Variants in PDE1C observed in about 807,000 individuals in gnomAD.
PDE1C encodes phosphodiesterase 1C, also known as dual specificity calcium/calmodulin-dependent 3',5'-cyclic nucleotide phosphodiesterase 1C.
Under a neutral mutation model 93.1 loss-of-function variants are expected in PDE1C, and 62 were observed. That is an observed-to-expected ratio of 0.67 (90% CI 0.54 to 0.82). The LOEUF (loss-of-function observed/expected upper bound fraction) is 0.82. Ranked by LOEUF, PDE1C falls within the 40% of genes least tolerant of loss-of-function variation. The pLI is 0.00. For missense variants in PDE1C, 742 were observed against 884.6 expected (o/e 0.84, Z 2.04); for synonymous variants, 325 against 310.1 (o/e 1.05, Z -0.50).
rs74554636 is a variant in PDE1C, at chr7:32,153,597, C to A, written c.308+16188G>T. Among the ~76,000 whole-genome samples the A allele has an allele frequency of 2.7e-3, 408 of 152,226 alleles. 3 individuals carry two copies. Among genetic ancestry groups the A allele is most frequent in the African/African-American group, 9.5e-3 (393 of 41,526 alleles). On this transcript the variant is annotated intron_variant, in intron 3 of 18. Coordinates refer to the PDE1C transcript ENST00000396193. ...ACATGCACTTCCTGGTCCCACCCAG[C>A]GAGGCTGGTTTGATAGCTCATAAGT...
chr7:32,333,834 A>T lies in PDE1C; in HGVS notation c.310+93988T>A, dbSNP rs149602640. 1.4e-3 allele frequency among the ~76,000 whole-genome samples: 207 copies of T among 152,334 alleles called. 1 individual carries two copies. Among genetic ancestry groups the T allele is most frequent in the African/African-American group, 4.7e-3 (197 of 41,576 alleles). On this transcript the variant is annotated intron_variant, in intron 1 of 1. Coordinates refer to the PDE1C transcript ENST00000672256. ...TTAACCTTGCAGTTTTACCCATTTT[A>T]ACATAAACACATTAACATTGCCTAT...
chr7:31,815,872 T>C, intron 15 of PDE1C, 52 bp downstream of exon 15: 1 of 1,332,620 alleles, frequency 7.5e-7, no homozygotes, highest in Non-Finnish European at 1.1e-6. Flanking sequence ...TTTCCATTCA[T>C]TATGTCATTA....
intron 1 of PDE1C, among the ~76,000 whole-genome samples, chr7:32,317,727 T>C (rs892946437): frequency 6.6e-5 from 10 of 152,190 alleles, no homozygotes; most frequent in Admixed American, 6.5e-4. Context: ...GGACGAATGC[T>C]GGCACTGTTC....
chr7:32,091,555 G>A (rs922514884), intron 3 of PDE1C, among the ~76,000 whole-genome samples: 4 of 152,284 alleles, frequency 2.6e-5, no homozygotes, highest in Admixed American at 6.5e-5. Context: ...GGCAACAGCC[G>A]GATCATTAGA....
chr7:31,727,448 C>T, the PDE1C span, among the ~76,000 whole-genome samples: 1 of 152,294 alleles, frequency 6.6e-6, no homozygotes, highest in South Asian at 2.1e-4. Flanking sequence ...CCTTCAGGTT[C>T]TCCATTTTGT....
At chr7:32,399,088 T>G (rs1784894638) in intron 1 of PDE1C, among the ~76,000 whole-genome samples, 1 of 152,186 alleles carries the variant, frequency 6.6e-6, no homozygotes, top group African/African-American at 2.4e-5. Context: ...ATATACACAG[T>G]GAACTATGTC....
At chr7:32,143,236 A>T (rs1337555190) in intron 3 of PDE1C, among the ~76,000 whole-genome samples, 1 of 151,532 alleles carries the variant, frequency 6.6e-6, no homozygotes, top group Non-Finnish European at 1.5e-5. Context: ...CTTTAAAGAG[A>T]TCCCTTAGGT....
At chr7:32,220,265 C>T (rs555383191) in intron 1 of PDE1C, among the ~76,000 whole-genome samples, 2 of 152,314 alleles carry the variant, frequency 1.3e-5, no homozygotes, top group South Asian at 4.1e-4. Context: ...GAGGGACACT[C>T]AAATTTATTA....
intron 17 of PDE1C, among the ~76,000 whole-genome samples, chr7:31,773,324 T>C (rs973123404): frequency 1.3e-5 from 2 of 152,058 alleles, no homozygotes; most frequent in Non-Finnish European, 2.9e-5. Flanking sequence ...GTAGCTGTGA[T>C]TCTGAGTCAG....
intron 2 of PDE1C, among the ~76,000 whole-genome samples, chr7:32,205,598 G>A (rs963269483): frequency 6.8e-5 from 9 of 131,438 alleles, no homozygotes; most frequent in African/African-American, 2.3e-4. Flanking sequence ...ATAAAAGCAG[G>A]CCAACCCCCC....
chr7:32,012,939 G>A (rs969145644), intron 2 of PDE1C, among the ~76,000 whole-genome samples: 2 of 152,096 alleles, frequency 1.3e-5, no homozygotes, highest in African/African-American at 4.8e-5. Flanking sequence ...GATATCAACT[G>A]ATAACTAATT....
At chr7:31,714,264 C>T in the PDE1C span, among the ~76,000 whole-genome samples, 1 of 152,212 alleles carries the variant, frequency 6.6e-6, no homozygotes, top group East Asian at 1.9e-4. Context: ...TGCTACCAGT[C>T]TCTTTGCTAA....
At chr7:32,349,787 A>T (rs34532910) in intron 1 of PDE1C, among the ~76,000 whole-genome samples, 7 of 151,702 alleles carry the variant, frequency 4.6e-5, no homozygotes, top group Admixed American at 4.6e-4. Context: ...ATGCCACCAC[A>T]CCCAGCTAAT....
chr7:32,031,687 A>G (rs888825812), intron 2 of PDE1C, among the ~76,000 whole-genome samples: 2 of 152,190 alleles, frequency 1.3e-5, no homozygotes, highest in African/African-American at 4.8e-5. Flanking sequence ...GTCAAATTAG[A>G]CTAGGGCCTT....
intron 2 of PDE1C, among the ~76,000 whole-genome samples, chr7:32,180,499 T>A (rs551097373): frequency 6.6e-6 from 1 of 152,314 alleles, no homozygotes; most frequent in East Asian, 1.9e-4. Flanking sequence ...GGTTCCCTTT[T>A]GTCCCTTCCA....
At chr7:31,971,353 G>A (rs1810933439) in intron 2 of PDE1C, among the ~76,000 whole-genome samples, 1 of 152,124 alleles carries the variant, frequency 6.6e-6, no homozygotes, top group South Asian at 2.1e-4. Flanking sequence ...GGAACTGAAA[G>A]CTACAGTTCC....
chr7:31,814,240 A>C (rs1159273549), intron 15 of PDE1C, among the ~76,000 whole-genome samples: 1 of 152,124 alleles, frequency 6.6e-6, no homozygotes, highest in African/African-American at 2.4e-5. Flanking sequence ...CTCTGGGTAG[A>C]TACCCAGGAG....
chr7:32,078,135 G>C, intron 3 of PDE1C: 1 of 580,026 alleles, frequency 1.7e-6, no homozygotes, highest in Non-Finnish European at 2.2e-6. Context: ...TAAATCAGCG[G>C]GTTGTTCTTC....
chr7:32,097,925 C>T (rs988257738), intron 3 of PDE1C, among the ~76,000 whole-genome samples: 2 of 152,110 alleles, frequency 1.3e-5, no homozygotes, highest in African/African-American at 2.4e-5. Flanking sequence ...CACACTGTGC[C>T]CAGCCCTTTA....
Sources: allele counts gnomAD v4.1 joint callset (sites outside exome capture counted in the v4.1 genomes callset), GRCh38; gene constraint gnomAD v4.1.1; transcripts MANE v1.5; gene names NCBI Gene and HGNC (gene_info 2026-07-23, HGNC 2026-07-21).